MYRIP: variants seen among roughly 807,000 people sequenced by gnomAD.
MYRIP encodes the protein rab effector MyRIP.
In MYRIP, 49 loss-of-function variants were observed where a neutral mutation model predicts 98.0. The ratio of observed to expected loss-of-function variants is 0.50; its 90% CI spans 0.40 to 0.63. The LOEUF is 0.63. Among genes scored for constraint, MYRIP ranks in the 30% least tolerant of loss-of-function variants. The pLI is 0.00. For missense variants in MYRIP, 1,004 were observed against 1,058.2 expected (o/e 0.95, Z 0.71); for synonymous variants, 404 against 409.5 (o/e 0.99, Z 0.16).
intron 3 of MYRIP, among the ~76,000 whole-genome samples, chr3:40,129,418 G>A (rs1949590007): frequency 8.8e-6 from 1 of 113,156 alleles, no homozygotes; most frequent in Non-Finnish European, 1.7e-5. Flanking sequence ...TCCAGCCTGG[G>A]CGACAGAGTG....
At chr3:40,231,360 C>T (rs1952651508) in intron 11 of MYRIP, among the ~76,000 whole-genome samples, 2 of 152,204 alleles carry the variant, frequency 1.3e-5, no homozygotes, top group Admixed American at 6.5e-5. Context: ...AACTACATCC[C>T]TCTTGTTCAC....
chr3:40,166,696 G>C (rs149506970), intron 5 of MYRIP, 150 bp from the exon 6 acceptor site: 1 of 599,840 alleles, frequency 1.7e-6, no homozygotes, highest in East Asian at 2.8e-5. Context: ...GCAGTGTGAG[G>C]CAGGTGGGAA....
chr3:39,929,919 T>C (rs988614053), intron 2 of MYRIP, among the ~76,000 whole-genome samples: 3 of 152,088 alleles, frequency 2.0e-5, no homozygotes, highest in African/African-American at 7.2e-5. Context: ...CATCCACTTT[T>C]ATGGATGAAT....
At chr3:40,075,366 G>A (rs1000410250) in intron 3 of MYRIP, among the ~76,000 whole-genome samples, 6 of 152,202 alleles carry the variant, frequency 3.9e-5, no homozygotes, top group Non-Finnish European at 8.8e-5. Flanking sequence ...CATTAATCAA[G>A]GACTAGTTTT....
chr3:39,888,558 C>T (rs955010229), intron 1 of MYRIP, among the ~76,000 whole-genome samples: 1 of 152,216 alleles, frequency 6.6e-6, no homozygotes, highest in Non-Finnish European at 1.5e-5. Context: ...AAACGTTAGA[C>T]CTAAAACCAT....
chr3:39,904,566 T>C (rs1481852270), intron 2 of MYRIP, among the ~76,000 whole-genome samples: 1 of 152,036 alleles, frequency 6.6e-6, no homozygotes, highest in Non-Finnish European at 1.5e-5. Flanking sequence ...AAAGCATGTA[T>C]TTAGAATGGA....
chr3:39,965,053 A>T (rs372438126), intron 2 of MYRIP, among the ~76,000 whole-genome samples: 17 of 152,098 alleles, frequency 1.1e-4, no homozygotes, highest in African/African-American at 4.1e-4. Context: ...TAATAGTTTG[A>T]TAAAGTATTT....
At chr3:39,943,287 C>G (rs958267953) in intron 2 of MYRIP, among the ~76,000 whole-genome samples, 2 of 152,108 alleles carry the variant, frequency 1.3e-5, no homozygotes, top group Non-Finnish European at 2.9e-5. Context: ...TTATTTAGTT[C>G]TATTTAATAT....
intron 2 of MYRIP, among the ~76,000 whole-genome samples, chr3:39,978,814 T>C (rs928677511): frequency 6.6e-5 from 10 of 152,012 alleles, no homozygotes; most frequent in African/African-American, 2.4e-4. Flanking sequence ...TGTGTTTTAC[T>C]GGACTTTGTT....
chr3:40,068,181 G>C (rs566283060), intron 3 of MYRIP, among the ~76,000 whole-genome samples: 8 of 152,186 alleles, frequency 5.3e-5, no homozygotes, highest in Non-Finnish European at 1.2e-4. Flanking sequence ...TTGGTTCAAA[G>C]AATGTATATA....
chr3:40,119,853 A>T (rs1487616837), intron 3 of MYRIP, among the ~76,000 whole-genome samples: 2 of 152,138 alleles, frequency 1.3e-5, no homozygotes, highest in South Asian at 4.1e-4. Context: ...CCAGCATGGC[A>T]CATGTATACA....
At chr3:39,878,745 A>G (rs1943081046) in intron 1 of MYRIP, among the ~76,000 whole-genome samples, 2 of 152,216 alleles carry the variant, frequency 1.3e-5, no homozygotes, top group African/African-American at 4.8e-5. Context: ...TTGATGAAAA[A>G]TACTACAACT....
intron 1 of MYRIP, among the ~76,000 whole-genome samples, chr3:39,890,431 T>G (rs1943453892): frequency 6.6e-6 from 1 of 152,068 alleles, no homozygotes; most frequent in Non-Finnish European, 1.5e-5. Context: ...AAATATTTGG[T>G]CACTCTTTCC....
At chr3:39,825,887 A>G (rs368122262) in intron 1 of MYRIP, among the ~76,000 whole-genome samples, 4 of 151,872 alleles carry the variant, frequency 2.6e-5, no homozygotes, top group South Asian at 2.1e-4. Context: ...CAGGTTGTCT[A>G]TTTCTTCTTG....
intron 3 of MYRIP, among the ~76,000 whole-genome samples, chr3:40,108,739 G>A (rs989383610): frequency 1.3e-5 from 2 of 152,172 alleles, no homozygotes; most frequent in Admixed American, 6.5e-5. Flanking sequence ...GGAGGGAGTG[G>A]GAAGTGCAGA....
Position 40,212,282 on chromosome 3 carries a change from C to T in MYRIP, c.1905+2189C>T, listed in dbSNP as rs533835543. 7.5e-4 allele frequency among the ~76,000 whole-genome samples: 101 copies of T among 134,550 alleles called. 2 individuals carry two copies. The highest frequency in any genetic ancestry group is 2.5e-3 in the African/African-American group (96 of 38,530). The allele number at this position is 134,550 out of a possible 152,430, so 88.3% of individuals were successfully genotyped here. ...TACACGTATATATATAGAGAGAGAG[C>T]GCCATATAGACTATATATATATGTT... On this transcript the variant is annotated intron_variant, in intron 11 of 16. Transcript: ENST00000302541.
chr3:40,159,845 C>G (rs1385114042), intron 4 of MYRIP, among the ~76,000 whole-genome samples: 3 of 152,010 alleles, frequency 2.0e-5, no homozygotes, highest in African/African-American at 7.3e-5. Context: ...TTCAGCTCCA[C>G]CAGCTCCTTT....
chr3:39,876,720 C>T (rs1237427599), intron 1 of MYRIP, among the ~76,000 whole-genome samples: 8 of 152,144 alleles, frequency 5.3e-5, no homozygotes, highest in African/African-American at 1.9e-4. Context: ...TGCTGTTAGT[C>T]TGATGGGTTT....
intron 2 of MYRIP, among the ~76,000 whole-genome samples, chr3:40,010,611 A>G (rs4302323): frequency 0.099 from 15,130 of 152,146 alleles, 1,278 homozygotes; most frequent in African/African-American, 0.22. Context: ...GGTTTTAGTC[A>G]CACCTCATGG....
Sources: gnomAD v4.1 joint callset for allele counts (sites outside exome capture counted in the v4.1 genomes callset) on GRCh38, gnomAD v4.1.1 for gene constraint, MANE v1.5 for transcripts, NCBI Gene and HGNC (gene_info 2026-07-23, HGNC 2026-07-21) for gene names.